The following FAT3 variants were observed in gnomAD, a reference collection of about 807,000 sequenced individuals.
The protein encoded by FAT3 is FAT atypical cadherin 3, also known as protocadherin Fat 3.
FAT3 carries 95 observed loss-of-function variants against 310.2 expected under a neutral mutation model. The observed-to-expected ratio is 0.31, with a 90% CI of 0.26 to 0.36. The LOEUF is 0.36. FAT3 is among the 10% of genes least tolerant of loss of function. The probability of loss-of-function intolerance (pLI) is 1.00; values close to 1 mark genes in which losing one functional copy is unlikely to be tolerated. For synonymous variants in FAT3, 2,314 were observed against 2,192.9 expected (o/e 1.06, Z -1.54); for missense variants, 5,408 against 5,715.6 (o/e 0.95, Z 1.74).
chr11:92,474,185 G>T (rs879910483), intron 2 of FAT3, among the ~76,000 whole-genome samples: 1 of 152,142 alleles, frequency 6.6e-6, no homozygotes, highest in Non-Finnish European at 1.5e-5. Context: ...CAGATGCAGT[G>T]CCATTTTGCT....
chr11:92,264,566 G>T (rs930491509), intron 1 of FAT3, among the ~76,000 whole-genome samples: 4 of 152,224 alleles, frequency 2.6e-5, no homozygotes, highest in African/African-American at 9.6e-5. Context: ...TTAAACTGTG[G>T]GGGAATCTAG....
At chr11:92,491,469 G>T (rs971747255) in intron 2 of FAT3, among the ~76,000 whole-genome samples, 1 of 151,980 alleles carries the variant, frequency 6.6e-6, no homozygotes, top group Non-Finnish European at 1.5e-5. Context: ...GGAGAATGGG[G>T]ATACTACAAC....
chr11:92,742,721 A>T (rs1371402348), intron 4 of FAT3, among the ~76,000 whole-genome samples: 3 of 152,184 alleles, frequency 2.0e-5, no homozygotes, highest in African/African-American at 7.2e-5. Context: ...ACATGATGGC[A>T]CCTTGATGTT....
chr11:92,478,037 T>C (rs1446518223), intron 2 of FAT3, among the ~76,000 whole-genome samples: 2 of 152,220 alleles, frequency 1.3e-5, no homozygotes, highest in African/African-American at 2.4e-5. Flanking sequence ...TGACGTGTCC[T>C]TGGGGAAAAG....
In FAT3 at chr11:92,805,448, C is replaced by T. The variant is rs1263512516; in HGVS notation, c.9093+99C>T. 3 of 1,298,182 alleles carry T rather than the reference C, an allele frequency of 2.3e-6. No homozygotes were observed. The East Asian group carries it at 7.6e-5, about 33-fold the overall frequency. The allele number at this position is 1,298,182 out of a possible 1,614,324, so 80.4% of individuals were successfully genotyped here. On this transcript the variant is annotated intron_variant, in intron 11 of 27. Coordinates refer to ENST00000525166, the MANE Select transcript of FAT3 (RefSeq NM_001367949.2). ...TCTTAAGGCCAGGCAAACTTCTGCT[C>T]TTATCTGCAATTGGGTGTGGGTATA... is the stretch of plus-strand genomic sequence containing the variant.
At chr11:92,809,268 A>G (rs754215661) in intron 12 of FAT3, among the ~76,000 whole-genome samples, 1 of 152,234 alleles carries the variant, frequency 6.6e-6, no homozygotes, top group Middle Eastern at 3.4e-3. Flanking sequence ...CCCTTCCACA[A>G]TCCAGCAAGT....
chr11:92,748,388 G>A (rs561060608), intron 4 of FAT3, among the ~76,000 whole-genome samples: 10 of 152,270 alleles, frequency 6.6e-5, no homozygotes, highest in Admixed American at 2.6e-4. Context: ...GGTGAGATTT[G>A]GGTGGGGATA....
At position 92,882,946 on chromosome 11, in the gene FAT3, G is replaced by A. The variant is rs765324804; in HGVS notation, c.12490G>A (p.Val4164Ile). Reference protein sequence around the residue: ...ELIGIAVVLFVIFILVVLFIV... With the variant: ...ELIGIAVVLFIIFILVVLFIV... ...CATCGGCATCGCCGTGGTCCTCTTC[G>A]TCATCTTCATCCTGGTGGTTCTCTT... The change falls in exon 24 of 28, where the codon GTC becomes ATC. Residue 4164 changes from valine (V) to isoleucine (I), a missense_variant. By Grantham distance (29) the Val-to-Ile change is conservative. Transcript: ENST00000525166. 5 of 1,613,392 alleles carry A rather than the reference G, an allele frequency of 3.1e-6. No individual in the cohort carries two copies. The highest frequency in any genetic ancestry group is 1.3e-5 in the African/African-American group (1 of 74,936).
chr11:92,812,049 G>A (rs188734880), intron 13 of FAT3, among the ~76,000 whole-genome samples: 116 of 152,294 alleles, frequency 7.6e-4, no homozygotes, highest in African/African-American at 2.6e-3. Context: ...GCGTCAGTCT[G>A]AGCTGCAATC....
intron 2 of FAT3, among the ~76,000 whole-genome samples, chr11:92,497,141 C>T (rs1204008498): frequency 2.0e-5 from 3 of 152,000 alleles, no homozygotes; most frequent in Non-Finnish European, 4.4e-5. Context: ...TCCATAGACG[C>T]CTGGGCTTCC....
intron 1 of FAT3, among the ~76,000 whole-genome samples, chr11:92,300,482 T>C (rs1191042892): frequency 1.3e-5 from 2 of 152,162 alleles, no homozygotes; most frequent in Non-Finnish European, 2.9e-5. Context: ...TAGGCTGTTA[T>C]GTCAGACTGC....
chr11:92,468,588 C>A (rs1951832358), intron 2 of FAT3, among the ~76,000 whole-genome samples: 1 of 152,114 alleles, frequency 6.6e-6, no homozygotes. Flanking sequence ...TAAAGACATA[C>A]CCAAGACTGG....
chr11:92,714,961 A>G (rs1291619551), intron 4 of FAT3, among the ~76,000 whole-genome samples: 2 of 152,158 alleles, frequency 1.3e-5, no homozygotes, highest in African/African-American at 4.8e-5. Flanking sequence ...GTTACCTGAC[A>G]GAATCTTTAA....
intron 9 of FAT3, 141 bp downstream of exon 9, chr11:92,793,118 T>A: frequency 2.7e-6 from 2 of 736,160 alleles, no homozygotes; most frequent in Non-Finnish European, 4.4e-6. Flanking sequence ...CTGTCCTATT[T>A]GGGAGATGAT....
chr11:92,254,500 A>G (rs1591012300), intron 1 of FAT3, among the ~76,000 whole-genome samples: 1 of 152,300 alleles, frequency 6.6e-6, no homozygotes, highest in Middle Eastern at 3.4e-3. Flanking sequence ...TGAACATTTG[A>G]GAAAATTAGG....
At chr11:92,424,757 G>A (rs1480620309) in intron 2 of FAT3, among the ~76,000 whole-genome samples, 3 of 152,042 alleles carry the variant, frequency 2.0e-5, no homozygotes, top group South Asian at 2.1e-4. Context: ...ACCTCCTTAC[G>A]TTTTGAATTT....
At chr11:92,375,133 A>G (rs1949306806) in intron 2 of FAT3, among the ~76,000 whole-genome samples, 1 of 151,814 alleles carries the variant, frequency 6.6e-6, no homozygotes, top group Non-Finnish European at 1.5e-5. Flanking sequence ...ATATAATTGG[A>G]TTTTTCTGAG....
At position 92,892,259 on chromosome 11, in the gene FAT3, T is replaced by G. The variant is rs1949931386; in HGVS notation, c.*1146T>G. 6.6e-6 allele frequency: 1 copy of G among 152,142 alleles called. No individual in the cohort carries two copies. Among genetic ancestry groups the G allele is most frequent in the Non-Finnish European group, 1.5e-5 (1 of 68,040 alleles). The allele number at this position is 152,142 out of a possible 1,614,324, so 9.4% of individuals were successfully genotyped here. On this transcript the variant is annotated 3_prime_UTR_variant, in exon 28 of 28. Coordinates refer to ENST00000525166, the MANE Select transcript of FAT3 (RefSeq NM_001367949.2). Reference sequence around the variant, plus strand: ...TCTTGAGGAAAGCTAATGTGAAGGTTTTGGGAAATGGACCATGTTGAAAAT... The same window carrying G: ...TCTTGAGGAAAGCTAATGTGAAGGTGTTGGGAAATGGACCATGTTGAAAAT...
At chr11:92,774,400 G>A (rs774405446) in intron 7 of FAT3, among the ~76,000 whole-genome samples, 1 of 152,198 alleles carries the variant, frequency 6.6e-6, no homozygotes, top group Non-Finnish European at 1.5e-5. Context: ...ATCATGCATG[G>A]AAAAATAATG....
Sources: gnomAD v4.1 joint callset for allele counts (sites outside exome capture counted in the v4.1 genomes callset) on GRCh38, gnomAD v4.1.1 for gene constraint, MANE v1.5 for transcripts, NCBI Gene and HGNC (gene_info 2026-07-23, HGNC 2026-07-21) for gene names.